Variants in ACTR3 observed in about 807,000 individuals in gnomAD.
The protein encoded by ACTR3 is actin-related protein 3.
Under a neutral mutation model 56.8 loss-of-function variants are expected in ACTR3, and 12 were observed. The observed-to-expected ratio is 0.21, with a 90% CI of 0.14 to 0.34. The LOEUF (loss-of-function observed/expected upper bound fraction) is 0.34. ACTR3 is among the 10% of genes least tolerant of loss of function. The pLI is 1.00. For synonymous variants in ACTR3, 162 were observed against 167.4 expected, an observed-to-expected ratio of 0.97 and a Z score of 0.25; for missense variants, 282 against 512.5, an observed-to-expected ratio of 0.55 and a Z score of 4.34.
At chr2:113,890,546 C>A in intron 1 of ACTR3, 23 of 1,375,462 alleles carry the variant, frequency 1.7e-5, no homozygotes, top group Non-Finnish European at 2.2e-5. Flanking sequence ...GAGATTCAAC[C>A]CCCAACCCTC....
intron 1 of ACTR3, among the ~76,000 whole-genome samples, chr2:113,893,189 T>A (rs746057638): frequency 2.6e-5 from 4 of 151,810 alleles, no homozygotes; most frequent in Non-Finnish European, 4.4e-5. Context: ...AAACATTTTT[T>A]AAAAAAACAT....
intron 4 of ACTR3, among the ~76,000 whole-genome samples, chr2:113,928,113 C>T (rs1340519985): frequency 6.6e-6 from 1 of 151,600 alleles, no homozygotes; most frequent in Non-Finnish European, 1.5e-5. Context: ...CCCTTTTTAC[C>T]TTTTCTCTCC....
In ACTR3 at chr2:113,933,670, C is replaced by A. The variant is rs534313197; in HGVS notation, c.433-609C>A. 2.1e-5 allele frequency among the ~76,000 whole-genome samples: 3 copies of A among 146,074 alleles called. 1 individual carries two copies. The South Asian group carries it at 6.4e-4, about 31-fold the overall frequency. ...TAGTTTAAGTTCTGGCAAGTTAGTT[C>A]TATACAATTTTTTTTTTTTTTTTTT... is the stretch of plus-strand genomic sequence containing the variant. On this transcript the variant is annotated intron_variant, in intron 5 of 11. Coordinates refer to ENST00000263238, the MANE Select transcript of ACTR3 (RefSeq NM_005721.5).
At chr2:113,951,660 ATATAT>A (rs1202310181) in intron 9 of ACTR3, 55 bp from the exon 10 acceptor site, 28 of 1,465,362 alleles carry the variant, frequency 1.9e-5, no homozygotes, top group Non-Finnish European at 2.4e-5. Flanking sequence ...TTTCAGTACT[ATATAT>A]TATATCTTTA....
rs1239401291 is a variant in ACTR3, at chr2:113,961,917, G to A, written c.*4462G>A. ...CTTTGCTCCTAAAATTTTTACCTAA[G>A]TGTTACATCCAACAACAGATGAAAG... On this transcript the variant is annotated 3_prime_UTR_variant, in exon 12 of 12. Transcript: ENST00000263238. 1 of 149,486 alleles carries A rather than the reference G, an allele frequency of 6.7e-6. No individual in the cohort carries two copies. Among genetic ancestry groups the A allele is most frequent in the African/African-American group, 2.6e-5 (1 of 39,126 alleles). 9.3% of individuals were successfully genotyped at this position (149,486 alleles called of 1,614,324 possible).
Position 113,959,711 on chromosome 2 carries a change from A to G in ACTR3, c.*2256A>G, listed in dbSNP as rs1394049778. 1 of 152,026 alleles carries G rather than the reference A, an allele frequency of 6.6e-6. No homozygotes were observed. The highest frequency in any genetic ancestry group is 2.4e-5 in the African/African-American group (1 of 41,444). The allele number at this position is 152,026 out of a possible 1,614,324, so 9.4% of individuals were successfully genotyped here. A position where few individuals can be genotyped will look rare whatever the true frequency, so the allele number is the denominator to read the frequency against. ...ATTGTATACCGTTTTTTCAACTTAA[A>G]GCAACTTCAGCTGGAAATATGTAGA... On this transcript the variant is annotated 3_prime_UTR_variant, in exon 12 of 12. Transcript: ENST00000263238.
At chr2:113,913,043 G>A in intron 1 of ACTR3, 129 bp from the exon 2 acceptor site, 1 of 575,090 alleles carries the variant, frequency 1.7e-6, no homozygotes, top group Admixed American at 3.9e-5. Context: ...TAAATGAAGT[G>A]AAACTATGGA....
Position 113,931,298 on chromosome 2 carries a change from T to C in ACTR3, c.337-3T>C, listed in dbSNP as rs752621921. On this transcript the variant is annotated splice_region_variant and splice_polypyrimidine_tract_variant and intron_variant, in intron 4 of 11. Transcript: ENST00000263238. ...CTATTTAAAATGTTATTTATTTCAATAGACTGAACCTCCATTGAATACTCC... is the reference window on the plus strand; with the variant it reads ...CTATTTAAAATGTTATTTATTTCAACAGACTGAACCTCCATTGAATACTCC... 1 of 1,520,116 alleles carries C rather than the reference T, an allele frequency of 6.6e-7. No homozygotes were observed. Among genetic ancestry groups the C allele is most frequent in the Non-Finnish European group, 8.9e-7 (1 of 1,125,848 alleles). The allele number at this position is 1,520,116 out of a possible 1,614,324, so 94.2% of individuals were successfully genotyped here. A position where few individuals can be genotyped will look rare whatever the true frequency, so the allele number is the denominator to read the frequency against.
chr2:113,916,241 A>C (rs776133429), intron 2 of ACTR3, among the ~76,000 whole-genome samples: 6 of 151,032 alleles, frequency 4.0e-5, no homozygotes, highest in Non-Finnish European at 5.9e-5. Context: ...GGATTCGTAC[A>C]TTTATAACTT....
At chr2:113,913,532 C>T (rs1338572454) in intron 2 of ACTR3, among the ~76,000 whole-genome samples, 2 of 152,148 alleles carry the variant, frequency 1.3e-5, no homozygotes, top group Non-Finnish European at 2.9e-5. Context: ...GGGGGTATAA[C>T]TAATTATCAA....
rs879477482 is a variant in ACTR3 at position 113,893,425 on chromosome 2, C to T, written c.44+3102C>T. The stretch of plus-strand genomic sequence containing the variant: ...TCTCCTGCCTCAGCCTCCCGAGTAG[C>T]TGGGACTACAGGCACATGCCACCAC... On this transcript the variant is annotated intron_variant, in intron 1 of 11. Transcript: ENST00000263238. 1.6e-4 allele frequency among the ~76,000 whole-genome samples: 24 copies of T among 152,116 alleles called. 1 individual carries two copies. Among genetic ancestry groups the T allele is most frequent in the Non-Finnish European group, 3.4e-4 (23 of 68,036 alleles).
chr2:113,916,847 A>C lies in ACTR3; in HGVS notation c.101-37A>C, dbSNP rs200805867. On this transcript the variant is annotated intron_variant, in intron 2 of 11. Coordinates refer to ENST00000263238, the MANE Select transcript of ACTR3 (RefSeq NM_005721.5). ...AGGTAAAAGTTTTTCTCATTTGAGG[A>C]AAATGAATTCTTTGACATGTCTAAC... 1.9e-5 allele frequency: 30 copies of C among 1,555,850 alleles called. 1 individual carries two copies. The East Asian group carries it at 6.7e-4, about 35-fold the overall frequency.
At chr2:113,937,133 T>G (rs1197970446) in intron 6 of ACTR3, among the ~76,000 whole-genome samples, 1 of 152,142 alleles carries the variant, frequency 6.6e-6, no homozygotes, top group East Asian at 1.9e-4. Context: ...AGACAGAGTC[T>G]TGCTCTGTCG....
intron 1 of ACTR3, among the ~76,000 whole-genome samples, chr2:113,897,517 T>A (rs11885938): frequency 3.4e-5 from 2 of 59,654 alleles, no homozygotes; most frequent in African/African-American, 2.7e-4. Context: ...GGCCAGATGT[T>A]ATTTTTTTTT....
At chr2:113,948,636 C>T (rs1250248219) in intron 8 of ACTR3, among the ~76,000 whole-genome samples, 2 of 152,102 alleles carry the variant, frequency 1.3e-5, no homozygotes, top group African/African-American at 2.4e-5. Flanking sequence ...CATATCTGAG[C>T]CATGTAGTTA....
intron 1 of ACTR3, among the ~76,000 whole-genome samples, chr2:113,911,006 G>C (rs146227730): frequency 6.6e-6 from 1 of 152,168 alleles, no homozygotes; most frequent in East Asian, 1.9e-4. Flanking sequence ...AACAGTTTCA[G>C]ACTGCTTTGT....
At chr2:113,904,474 A>C (rs1679157185) in intron 1 of ACTR3, 1 of 152,196 alleles carries the variant, frequency 6.6e-6, no homozygotes, top group African/African-American at 2.4e-5. Flanking sequence ...GTATGAATAT[A>C]ACACTCTTGT....
intron 1 of ACTR3, among the ~76,000 whole-genome samples, chr2:113,893,683 G>A (rs1678951046): frequency 6.6e-6 from 1 of 152,048 alleles, no homozygotes; most frequent in Admixed American, 6.6e-5. Flanking sequence ...TTGTTATATC[G>A]TAGCTTGGTT....
intron 1 of ACTR3, among the ~76,000 whole-genome samples, chr2:113,896,215 C>A (rs957467564): frequency 6.6e-6 from 1 of 151,866 alleles, no homozygotes; most frequent in Non-Finnish European, 1.5e-5. Context: ...AGCACAGTGC[C>A]TGGCACACAG....
Sources: allele counts gnomAD v4.1 joint callset (sites outside exome capture counted in the v4.1 genomes callset), GRCh38; gene constraint gnomAD v4.1.1; transcripts MANE v1.5; gene names NCBI Gene and HGNC (gene_info 2026-07-23, HGNC 2026-07-21).